The following MTMR10 variants were observed in gnomAD, a reference collection of about 807,000 sequenced individuals.
MTMR10 encodes the protein myotubularin-related protein 10.
Under a neutral mutation model 88.1 loss-of-function variants are expected in MTMR10, and 56 were observed. The observed-to-expected ratio is 0.64, with a 90% CI of 0.51 to 0.79. The LOEUF is 0.79. Ranked by LOEUF, MTMR10 falls within the 30% of genes least tolerant of loss-of-function variation. The pLI is 0.00. For synonymous variants in MTMR10, 380 were observed against 340.9 expected (o/e 1.11, Z -1.26); for missense variants, 883 against 924.7 (o/e 0.95, Z 0.58).
rs2063103215 is a variant in MTMR10, at chr15:30,942,977, A to G, written c.1644T>C (p.Asp548=). 22 of 1,555,710 alleles carry G rather than the reference A, an allele frequency of 1.4e-5. No individual in the cohort carries two copies. Among genetic ancestry groups the G allele is most frequent in the Non-Finnish European group, 1.9e-5 (22 of 1,148,428 alleles). ...AGAAGGGGTTATGGAAAAGGGTGCG[A>G]TCCTTTGCTGTAAACTGGAGAGACC... ...WDWSLQFTAK[D]RTLFHNPFYI... is the part of the protein sequence containing the mutation. Residue 548 remains aspartate (D), a synonymous_variant, in exon 15 of 16, where the codon GAT becomes GAC. Transcript: ENST00000435680.
At chr15:30,955,590 G>A (rs2063315346) in intron 9 of MTMR10, among the ~76,000 whole-genome samples, 1 of 152,104 alleles carries the variant, frequency 6.6e-6, no homozygotes, top group Non-Finnish European at 1.5e-5. Flanking sequence ...ATTTCTGATG[G>A]GAGAAAATAA....
At chr15:30,922,446 A>G in the MTMR10 span, 198,047 of 1,231,768 alleles carry the variant, frequency 0.16, 17,233 homozygotes, top group African/African-American at 0.3. Flanking sequence ...ATTTACATGT[A>G]ATTAGAACAT....
intron 9 of MTMR10, among the ~76,000 whole-genome samples, chr15:30,955,565 C>T (rs960395916): frequency 1.3e-5 from 2 of 152,178 alleles, no homozygotes; most frequent in East Asian, 1.9e-4. Context: ...CCACCGCGCC[C>T]GGGCTCATTC....
At chr15:30,974,514 C>A (rs767211999) in intron 4 of MTMR10, 58 bp from the exon 5 acceptor site, 10 of 1,342,938 alleles carry the variant, frequency 7.4e-6, no homozygotes, top group Non-Finnish European at 9.8e-6. Context: ...TGTTACTCAC[C>A]CTTTAATACA....
chr15:30,954,546 ACACTCATTTTTCC>A (rs1463461142), intron 10 of MTMR10, among the ~76,000 whole-genome samples: 1 of 152,030 alleles, frequency 6.6e-6, no homozygotes, highest in Non-Finnish European at 1.5e-5. Context: ...GAAATTTAAT[ACACTCATTTTTCC>A]CCCTCTAAAA....
intron 6 of MTMR10, among the ~76,000 whole-genome samples, chr15:30,963,854 C>T (rs903570616): frequency 6.6e-6 from 1 of 152,152 alleles, no homozygotes; most frequent in African/African-American, 2.4e-5. Flanking sequence ...AAAGCCCAAT[C>T]TATACAGTGT....
intron 15 of MTMR10, 82 bp downstream of exon 15, chr15:30,942,808 T>TTGTTAAG: frequency 2.9e-6 from 4 of 1,376,718 alleles, no homozygotes; most frequent in Non-Finnish European, 3.9e-6. Flanking sequence ...GGAAGTGCCT[T>TTGTTAAG]TACTTTTAAC....
chr15:30,962,386 G>C (rs2063413987), intron 6 of MTMR10, among the ~76,000 whole-genome samples: 1 of 152,160 alleles, frequency 6.6e-6, no homozygotes, highest in African/African-American at 2.4e-5. Flanking sequence ...ATCCCCAATG[G>C]AATATTCTGC....
At chr15:30,948,723 T>C in intron 12 of MTMR10, 1 of 538,066 alleles carries the variant, frequency 1.9e-6, no homozygotes, top group Non-Finnish European at 3.3e-6. Context: ...TCACTCATAC[T>C]TTTTACATTC....
At chr15:30,919,253 G>C in the MTMR10 span, among the ~76,000 whole-genome samples, 1 of 151,562 alleles carries the variant, frequency 6.6e-6, no homozygotes, top group African/African-American at 2.4e-5. Context: ...GGTGGTGCCT[G>C]CCTGTAATCC....
chr15:30,956,488 G>A (rs1185056802), intron 9 of MTMR10: 2 of 152,256 alleles, frequency 1.3e-5, no homozygotes, highest in African/African-American at 4.8e-5. Context: ...TGTGAAGATG[G>A]TACTGAAGCC....
the MTMR10 span, chr15:30,927,060 C>G: frequency 1.0e-6 from 1 of 976,674 alleles, no homozygotes; most frequent in Non-Finnish European, 1.2e-6. Context: ...ACTTGTAATC[C>G]CAGCACTTGG....
intron 1 of MTMR10, 24 bp downstream of exon 1, chr15:30,991,423 C>T (rs965439916): frequency 6.8e-7 from 1 of 1,466,876 alleles, no homozygotes. Context: ...GAGAGTCGGG[C>T]GCTCGCGGGG....
downstream of MTMR10, among the ~76,000 whole-genome samples, chr15:30,935,254 G>T (rs2140966982): frequency 6.6e-6 from 1 of 152,036 alleles, no homozygotes; most frequent in Non-Finnish European, 1.5e-5. Flanking sequence ...GCTGCAGTGT[G>T]CTGAGATCAT....
chr15:30,918,874 C>T, the MTMR10 span, among the ~76,000 whole-genome samples: 1 of 151,818 alleles, frequency 6.6e-6, no homozygotes, highest in East Asian at 1.9e-4. Flanking sequence ...TACAGTTGAC[C>T]CTTGAATGAT....
intron 1 of MTMR10, 97 bp from the exon 2 acceptor site, chr15:30,990,934 A>G: frequency 3.2e-6 from 3 of 942,822 alleles, no homozygotes; most frequent in Non-Finnish European, 4.8e-6. Flanking sequence ...ACACATGCGA[A>G]AGACACACAG....
chr15:30,951,338 T>G (rs1200432735), intron 12 of MTMR10, among the ~76,000 whole-genome samples: 4 of 152,152 alleles, frequency 2.6e-5, no homozygotes, highest in Admixed American at 2.6e-4. Flanking sequence ...TTGTACAAAT[T>G]AGACAGCAAA....
chr15:30,968,388 T>C (rs2063496611), intron 5 of MTMR10, among the ~76,000 whole-genome samples: 3 of 152,152 alleles, frequency 2.0e-5, no homozygotes, highest in Non-Finnish European at 2.9e-5. Context: ...TGGTGGACTA[T>C]AAAGGATTAA....
chr15:30,930,734 C>G, the MTMR10 span: 1 of 1,578,404 alleles, frequency 6.3e-7, no homozygotes, highest in Non-Finnish European at 8.6e-7. Context: ...TCAGAGGCCA[C>G]AAGTAGGCAT....
Sources: allele counts gnomAD v4.1 joint callset (sites outside exome capture counted in the v4.1 genomes callset), GRCh38; gene constraint gnomAD v4.1.1; transcripts MANE v1.5; gene names NCBI Gene and HGNC (gene_info 2026-07-23, HGNC 2026-07-21).